Variants in MAP2K4 observed in about 807,000 individuals in gnomAD.
MAP2K4 encodes the protein mitogen-activated protein kinase kinase 4.
Under a neutral mutation model 48.5 loss-of-function variants are expected in MAP2K4, and 4 were observed. That is an observed-to-expected ratio of 0.08 (90% CI 0.04 to 0.19). The LOEUF (loss-of-function observed/expected upper bound fraction) is 0.19, where lower values mean the gene tolerates loss of function less well. MAP2K4 is among the 10% of genes least tolerant of loss of function. The probability of loss-of-function intolerance (pLI) is 1.00; values close to 1 mark genes in which losing one functional copy is unlikely to be tolerated. For synonymous variants in MAP2K4, 166 were observed against 173.1 expected, an observed-to-expected ratio of 0.96 and a Z score of 0.32; for missense variants, 258 against 493.3, an observed-to-expected ratio of 0.52 and a Z score of 4.52.
intron 2 of MAP2K4, among the ~76,000 whole-genome samples, chr17:12,068,566 T>C (rs1353909075): frequency 6.6e-6 from 1 of 152,072 alleles, no homozygotes; most frequent in Non-Finnish European, 1.5e-5. Flanking sequence ...AGGAGGAAGG[T>C]GTTCATAGTG....
intron 2 of MAP2K4, among the ~76,000 whole-genome samples, chr17:12,063,323 A>G (rs1345742168): frequency 6.6e-6 from 1 of 152,172 alleles, no homozygotes; most frequent in African/African-American, 2.4e-5. Context: ...AATATAATAG[A>G]AAGTCCAGTA....
chr17:12,071,265 C>T (rs1428841472), intron 2 of MAP2K4, among the ~76,000 whole-genome samples: 1 of 152,126 alleles, frequency 6.6e-6, no homozygotes, highest in Non-Finnish European at 1.5e-5. Flanking sequence ...GTATAGTTCA[C>T]CCTACTACAG....
chr17:12,023,629 G>A (rs1225887377), intron 1 of MAP2K4, among the ~76,000 whole-genome samples: 1 of 152,204 alleles, frequency 6.6e-6, no homozygotes, highest in Non-Finnish European at 1.5e-5. Flanking sequence ...GGTAAGCACT[G>A]TGGTGGGCAC....
At chr17:12,061,211 T>C (rs1264501798) in intron 2 of MAP2K4, among the ~76,000 whole-genome samples, 1 of 152,254 alleles carries the variant, frequency 6.6e-6, no homozygotes, top group Non-Finnish European at 1.5e-5. Flanking sequence ...GCATTTTGTT[T>C]AGCCATTCAT....
chr17:12,081,274 T>C lies in MAP2K4; in HGVS notation c.219-82T>C, dbSNP rs1222778411. On this transcript the variant is annotated intron_variant, in intron 2 of 10. Transcript: ENST00000353533. This position sits in a 1 kb window ranked among gnomAD's most constrained non-coding sequence, Gnocchi z 4.2. ...ATTTTAGTAATTTAGAAAACATTTT[T>C]CCCACACATTAATCAGTACTAAAAG... 5 of 1,069,674 alleles carry C rather than the reference T, an allele frequency of 4.7e-6. No individual in the cohort carries two copies. In the African/African-American group the frequency reaches 8.0e-5, roughly 17 times the overall value. 66.3% of individuals were successfully genotyped at this position (1,069,674 alleles called of 1,614,324 possible). A position where few individuals can be genotyped will look rare whatever the true frequency, so the allele number is the denominator to read the frequency against.
chr17:12,078,464 A>G (rs1032688237), intron 2 of MAP2K4, among the ~76,000 whole-genome samples: 1 of 152,232 alleles, frequency 6.6e-6, no homozygotes, highest in Non-Finnish European at 1.5e-5. Context: ...TAATAATCAC[A>G]TCGTGGGAAA....
chr17:12,102,598 T>C (rs1235396531), intron 4 of MAP2K4, among the ~76,000 whole-genome samples: 1 of 152,146 alleles, frequency 6.6e-6, no homozygotes, highest in African/African-American at 2.4e-5. Flanking sequence ...ATAGAATTGG[T>C]ATTATTTTTT....
At chr17:12,117,880 A>C (rs1003883775) in intron 7 of MAP2K4, among the ~76,000 whole-genome samples, 3 of 152,192 alleles carry the variant, frequency 2.0e-5, no homozygotes, top group African/African-American at 7.2e-5. Flanking sequence ...AAAGTGATGA[A>C]CAAAAGTTAC....
intron 7 of MAP2K4, among the ~76,000 whole-genome samples, chr17:12,119,526 A>G (rs1174304917): frequency 1.3e-5 from 2 of 152,250 alleles, no homozygotes; most frequent in Non-Finnish European, 2.9e-5. Context: ...GAATACTTAT[A>G]TACTGTTGGT....
intron 2 of MAP2K4, among the ~76,000 whole-genome samples, chr17:12,056,812 G>C (rs1290757532): frequency 1.3e-5 from 2 of 152,110 alleles, no homozygotes; most frequent in East Asian, 3.8e-4. Flanking sequence ...ACTAAAAACA[G>C]TTGTTAGTTT....
At chr17:12,122,224 A>G (rs1972716967) in intron 7 of MAP2K4, among the ~76,000 whole-genome samples, 1 of 152,240 alleles carries the variant, frequency 6.6e-6, no homozygotes, top group South Asian at 2.1e-4. Flanking sequence ...AGAGGAATAC[A>G]TAATCAACTA....
intron 1 of MAP2K4, among the ~76,000 whole-genome samples, chr17:12,046,831 A>AT (rs935494261): frequency 6.0e-5 from 9 of 150,774 alleles, no homozygotes; most frequent in East Asian, 2.0e-4. Flanking sequence ...AATGAGTTAA[A>AT]TTTTTTTTTT....
intron 1 of MAP2K4, among the ~76,000 whole-genome samples, chr17:12,032,561 A>AAGTATATAT: frequency 6.6e-6 from 1 of 152,334 alleles, no homozygotes; most frequent in South Asian, 2.1e-4. Context: ...AGGTATAGAA[A>AAGTATATAT]AGTATATATA....
intron 7 of MAP2K4, among the ~76,000 whole-genome samples, chr17:12,116,941 G>A (rs1972519149): frequency 6.6e-6 from 1 of 152,110 alleles, no homozygotes; most frequent in African/African-American, 2.4e-5. Flanking sequence ...CCACGAGCGC[G>A]AGTAATGTGT....
chr17:12,041,778 T>C (rs1267193117), intron 1 of MAP2K4, among the ~76,000 whole-genome samples: 2 of 152,218 alleles, frequency 1.3e-5, no homozygotes, highest in African/African-American at 4.8e-5. Flanking sequence ...CGATTCCTTA[T>C]TTATTGAAGA....
chr17:12,083,059 C>T (rs958673034), intron 3 of MAP2K4, among the ~76,000 whole-genome samples: 1 of 152,114 alleles, frequency 6.6e-6, no homozygotes, highest in Non-Finnish European at 1.5e-5. Flanking sequence ...AAGTTGTAAA[C>T]TTTTCTTTCA....
chr17:12,139,505 T>TG (rs1317159447), intron 9 of MAP2K4, among the ~76,000 whole-genome samples: 1 of 152,170 alleles, frequency 6.6e-6, no homozygotes, highest in African/African-American at 2.4e-5. Flanking sequence ...AAAGCATATA[T>TG]GTACACAAAT....
At chr17:12,123,775 G>T (rs1426630765) in intron 7 of MAP2K4, among the ~76,000 whole-genome samples, 6 of 151,860 alleles carry the variant, frequency 4.0e-5, no homozygotes, top group Non-Finnish European at 8.8e-5. Flanking sequence ...AGACTTTTTT[G>T]ATCCATTTGT....
intron 6 of MAP2K4, among the ~76,000 whole-genome samples, chr17:12,111,056 T>C (rs1431608305): frequency 6.6e-6 from 1 of 152,188 alleles, no homozygotes; most frequent in Non-Finnish European, 1.5e-5. Context: ...TACTTATTAC[T>C]GTGCTAGACT....
Sources: gnomAD v4.1 joint callset for allele counts (sites outside exome capture counted in the v4.1 genomes callset) on GRCh38, gnomAD v4.1.1 for gene constraint, Gnocchi (gnomAD v3.1) non-coding constraint, MANE v1.5 for transcripts, NCBI Gene and HGNC (gene_info 2026-07-23, HGNC 2026-07-21) for gene names.